FGFR1: variants seen among roughly 807,000 people sequenced by gnomAD.
FGFR1 encodes the protein FGFR1/PLAG1 fusion.
In FGFR1, 18 loss-of-function variants were observed where a neutral mutation model predicts 93.7. The observed-to-expected ratio is 0.19, with a 90% CI of 0.13 to 0.28. The LOEUF (loss-of-function observed/expected upper bound fraction) is 0.28. Ranked by LOEUF, FGFR1 falls within the 10% of genes least tolerant of loss-of-function variation. The probability of loss-of-function intolerance (pLI) is 1.00; values close to 1 mark genes in which losing one functional copy is unlikely to be tolerated. For missense variants in FGFR1, 731 were observed against 1,080.4 expected (o/e 0.68, Z 4.53); for synonymous variants, 448 against 429.3 (o/e 1.04, Z -0.54).
intron 2 of FGFR1, among the ~76,000 whole-genome samples, chr8:38,449,648 G>T (rs1187489100): frequency 1.4e-5 from 2 of 146,948 alleles, no homozygotes; most frequent in Admixed American, 1.4e-4. Flanking sequence ...GAACACAAAT[G>T]GCACAGCCCC....
chr8:38,429,220 C>T lies in FGFR1; in HGVS notation c.358+462G>A. On this transcript the variant is annotated intron_variant, in intron 3 of 17. Transcript: ENST00000447712. The surrounding 1 kb of genome is among the most constrained non-coding windows in gnomAD (Gnocchi z 4.4). ...ACAGAGCTCCAGGGCTCCCTGGCTG[C>T]CCTCGCACAGCTCCCTTGCGGTGCA... 4.4e-6 allele frequency: 2 copies of T among 458,424 alleles called. No individual in the cohort carries two copies. The highest frequency in any genetic ancestry group is 4.7e-5 in the Admixed American group (2 of 42,372). 28.4% of individuals were successfully genotyped at this position (458,424 alleles called of 1,614,324 possible).
chr8:38,466,583 G>A (rs1586825210), intron 1 of FGFR1: 1 of 230,360 alleles, frequency 4.3e-6, no homozygotes, highest in Non-Finnish European at 8.6e-6. Flanking sequence ...AATAACTCGG[G>A]ATCCAAGGGA....
intron 2 of FGFR1, among the ~76,000 whole-genome samples, chr8:38,443,928 C>G (rs1456909272): frequency 6.6e-6 from 1 of 151,744 alleles, no homozygotes; most frequent in Non-Finnish European, 1.5e-5. Flanking sequence ...TGGCGAATGC[C>G]TGTAATCCCA....
At position 38,457,429 on chromosome 8, in the gene FGFR1, G is replaced by A. The variant is rs1240707574; in HGVS notation, c.18C>T (p.Cys6=). The change falls in exon 2 of 18, where the codon TGC becomes TGT. Residue 6 remains cysteine, a synonymous_variant. Coordinates refer to ENST00000447712, the MANE Select transcript of FGFR1 (RefSeq NM_023110.3). ...TGACCAGCACAGCCCAGAAGAGGAGGCACTTCCAGCTCCACATCCCAGTTC... is the reference window on the plus strand; with the variant it reads ...TGACCAGCACAGCCCAGAAGAGGAGACACTTCCAGCTCCACATCCCAGTTC... MWSWK[C]LLFWAVLVTA... is the part of the protein sequence containing the mutation. The A allele has an allele frequency of 6.2e-6, 10 of 1,613,800 alleles. No homozygotes were observed. The highest frequency in any genetic ancestry group is 8.5e-6 in the Non-Finnish European group (10 of 1,179,978).
At chr8:38,463,361 T>C in intron 1 of FGFR1, 1 of 190,516 alleles carries the variant, frequency 5.2e-6, no homozygotes, top group Non-Finnish European at 1.1e-5. Flanking sequence ...TAAGACTTTC[T>C]TGGGCCTTCT....
chr8:38,448,340 T>C (rs1830024742), intron 2 of FGFR1, among the ~76,000 whole-genome samples: 1 of 150,538 alleles, frequency 6.6e-6, no homozygotes, highest in African/African-American at 2.4e-5. Flanking sequence ...AGTGAAGTGG[T>C]GCGATCTCGG....
intron 13 of FGFR1, 97 bp from the exon 14 acceptor site, chr8:38,414,998 A>G (rs1323306121): frequency 1.8e-5 from 17 of 961,366 alleles, no homozygotes; most frequent in Non-Finnish European, 2.7e-5. Flanking sequence ...CTTGTCTCAT[A>G]GAACTTCTGC....
intron 2 of FGFR1, among the ~76,000 whole-genome samples, chr8:38,449,586 T>C (rs2151238638): frequency 6.6e-6 from 1 of 152,362 alleles, no homozygotes; most frequent in East Asian, 1.9e-4. Context: ...GCGGAACTCC[T>C]TGACCCTCTC....
At chr8:38,459,523 A>G (rs1833843159) in intron 1 of FGFR1, among the ~76,000 whole-genome samples, 1 of 152,226 alleles carries the variant, frequency 6.6e-6, no homozygotes, top group African/African-American at 2.4e-5. Flanking sequence ...AGAAAATGAA[A>G]TGAATACTGA....
chr8:38,418,610 A>G, intron 9 of FGFR1: 1 of 573,248 alleles, frequency 1.7e-6, no homozygotes, highest in Non-Finnish European at 3.1e-6. Flanking sequence ...AAATAAGCAG[A>G]CCAAATGCAC....
At chr8:38,414,667 C>T (rs1395038125) in intron 14 of FGFR1, 38 bp from the exon 15 acceptor site, 1 of 1,613,162 alleles carries the variant, frequency 6.2e-7, no homozygotes, top group Admixed American at 1.7e-5. Flanking sequence ...TGGCCCCAGG[C>T]AGGGCCATGA....
chr8:38,416,878 G>C (rs1816851209), intron 12 of FGFR1, among the ~76,000 whole-genome samples: 1 of 152,136 alleles, frequency 6.6e-6, no homozygotes, highest in Non-Finnish European at 1.5e-5. Context: ...TCAGCCTCCT[G>C]AGTAGCTGGG....
intron 1 of FGFR1, among the ~76,000 whole-genome samples, chr8:38,461,783 T>C (rs904802572): frequency 5.9e-5 from 9 of 152,176 alleles, no homozygotes; most frequent in Non-Finnish European, 8.8e-5. Flanking sequence ...ACTGTGCCCA[T>C]TCTCTCCTCT....
Position 38,414,138 on chromosome 8 carries a change from C to G in FGFR1, c.2186+14G>C. 1.2e-6 allele frequency: 2 copies of G among 1,614,160 alleles called. No individual in the cohort carries two copies. The highest frequency in any genetic ancestry group is 8.5e-7 in the Non-Finnish European group (1 of 1,180,006). Reference sequence around the variant, plus strand: ...AGGCCTGGCTCAGGGCCTCCGACATCTCCTCGGGCTTACAGCTCGTTGGTG... The same window carrying G: ...AGGCCTGGCTCAGGGCCTCCGACATGTCCTCGGGCTTACAGCTCGTTGGTG... On this transcript the variant is annotated intron_variant, in intron 16 of 17. Coordinates refer to ENST00000447712, the MANE Select transcript of FGFR1 (RefSeq NM_023110.3).
intron 12 of FGFR1, 80 bp downstream of exon 12, chr8:38,417,226 T>TGA: frequency 2.7e-6 from 3 of 1,104,226 alleles, no homozygotes; most frequent in South Asian, 1.2e-5. Context: ...TAGCTGTGGC[T>TGA]GAGAGAGGCC....
Position 38,426,385 on chromosome 8 carries a change from C to T in FGFR1, c.622-140G>A. The T allele has an allele frequency of 8.0e-7, 1 of 1,251,950 alleles. No individual in the cohort carries two copies. Among genetic ancestry groups the T allele is most frequent in the Non-Finnish European group, 1.2e-6 (1 of 867,710 alleles). The allele number at this position is 1,251,950 out of a possible 1,614,324, so 77.6% of individuals were successfully genotyped here. A position where few individuals can be genotyped will look rare whatever the true frequency, so the allele number is the denominator to read the frequency against. On this transcript the variant is annotated intron_variant, in intron 5 of 17. Transcript: ENST00000447712. This position sits in a 1 kb window ranked among gnomAD's most constrained non-coding sequence, Gnocchi z 4.1. ...CCCCAGGCTGCAGGGTTGGCTAGGA[C>T]AAGGCGTGGATTGCCCCCCTACCAG...
At position 38,417,343 on chromosome 8, in the gene FGFR1, C is replaced by T. The variant is rs541751649; in HGVS notation, c.1626G>A (p.Lys542=). The change falls in exon 12 of 18, where the codon AAG becomes AAA. Residue 542 remains lysine, a synonymous_variant. Transcript: ENST00000447712. ...MEMMKMIGKH[K]NIINLLGACT... ...AGGCCCCCAGCAGGTTGATGATATTCTTATGCTTCCCGATCATCTTCATCA... is the reference window on the plus strand; with the variant it reads ...AGGCCCCCAGCAGGTTGATGATATTTTTATGCTTCCCGATCATCTTCATCA... 6.2e-7 allele frequency: 1 copy of T among 1,613,934 alleles called. No homozygotes were observed. The highest frequency in any genetic ancestry group is 1.1e-5 in the South Asian group (1 of 91,080).
intron 2 of FGFR1, among the ~76,000 whole-genome samples, chr8:38,443,516 A>AAACAAAAT (rs1286416740): frequency 1.3e-5 from 2 of 151,314 alleles, no homozygotes; most frequent in Admixed American, 1.3e-4. Flanking sequence ...AAAAAAAGAA[A>AAACAAAAT]AACAAAATTA....
rs562958780 is a variant in FGFR1, at chr8:38,428,400, C to T, written c.394G>A (p.Asp132Asn). The stretch of plus-strand genomic sequence containing the variant: ...TCTTTCTCCTCTGAAGAGGAGTCAT[C>T]ATCATCATCATCATCCTCCGAGGAG... ...LPSSEDDDDD[D>N]DSSSEEKETD... The change falls in exon 4 of 18, where the codon GAT becomes AAT. Residue 132 changes from aspartate (D) to asparagine (N), a missense_variant. Asp to Asn is a conservative substitution (Grantham distance 23, BLOSUM62 1). Around this residue, in one of 10 missense-constraint regions of FGFR1, gnomAD observed 212 missense variants for 205.8 expected, o/e 1.03. Transcript: ENST00000447712. 2.2e-5 allele frequency: 35 copies of T among 1,613,582 alleles called. No homozygotes were observed. The African/African-American group carries it at 4.4e-4, about 20-fold the overall frequency.
Sources: allele counts gnomAD v4.1 joint callset (sites outside exome capture counted in the v4.1 genomes callset), GRCh38; gene constraint gnomAD v4.1.1; regional missense constraint gnomAD v4.1.1; non-coding constraint Gnocchi (gnomAD v3.1); transcripts MANE v1.5; gene names NCBI Gene and HGNC (gene_info 2026-07-23, HGNC 2026-07-21).